HPD: variants seen among roughly 807,000 people sequenced by gnomAD.
HPD encodes the protein 4-hydroxyphenylpyruvic acid oxidase.
A neutral mutation model predicts 56.9 loss-of-function variants in HPD; 35 were observed. The observed-to-expected ratio is 0.62, with a 90% CI of 0.47 to 0.82. The LOEUF (loss-of-function observed/expected upper bound fraction) is 0.82. Ranked by LOEUF, HPD falls within the 40% of genes least tolerant of loss-of-function variation. The pLI, the probability that HPD is intolerant of heterozygous loss-of-function variation, is 0.00. For missense variants in HPD, 442 were observed against 506.8 expected, an observed-to-expected ratio of 0.87 and a Z score of 1.23; for synonymous variants, 186 against 200.2, an observed-to-expected ratio of 0.93 and a Z score of 0.60.
At position 121,857,079 on chromosome 12, in the gene HPD, T is replaced by G. The variant is rs979044676; in HGVS notation, c.198+249A>C. On this transcript the variant is annotated intron_variant, in intron 4 of 13. Coordinates refer to ENST00000289004, the MANE Select transcript of HPD (RefSeq NM_002150.3). ...TTGTTGTTGTTGGGGTTTTTTGTTG[T>G]TTTTTGTTTTTTTTTGTTGAGATGG... 1.5e-5 allele frequency: 8 copies of G among 524,880 alleles called. No individual in the cohort carries two copies. The South Asian group carries it at 1.7e-4, about 11-fold the overall frequency. 32.5% of individuals were successfully genotyped at this position (524,880 alleles called of 1,614,324 possible).
At chr12:121,846,972 C>A in intron 10 of HPD, 39 bp from the exon 11 acceptor site, 2 of 1,613,148 alleles carry the variant, frequency 1.2e-6, no homozygotes, top group Non-Finnish European at 1.7e-6. Context: ...TCATTTGCCC[C>A]ATCACCCACA....
upstream of HPD, among the ~76,000 whole-genome samples, chr12:121,865,231 G>A (rs577061157): frequency 4.0e-5 from 6 of 151,772 alleles, no homozygotes; most frequent in East Asian, 1.2e-3. Flanking sequence ...TCATGCCAGT[G>A]CACTCTAACC....
chr12:121,850,282 T>C (rs572453170), intron 7 of HPD, among the ~76,000 whole-genome samples: 1 of 151,378 alleles, frequency 6.6e-6, no homozygotes, highest in East Asian at 2.0e-4. Context: ...ATTAGCCGGG[T>C]GTGGTGGCGT....
intron 11 of HPD, among the ~76,000 whole-genome samples, chr12:121,846,234 A>G (rs1201698763): frequency 6.6e-6 from 1 of 151,844 alleles, no homozygotes; most frequent in Non-Finnish European, 1.5e-5. Flanking sequence ...ATTTTTTTCT[A>G]AAGCAGAATT....
At chr12:121,857,149 G>A in intron 4 of HPD, 179 bp downstream of exon 4, 1 of 601,500 alleles carries the variant, frequency 1.7e-6, no homozygotes, top group Non-Finnish European at 3.0e-6. Flanking sequence ...GCACGACGTT[G>A]GCTCACTGCA....
At chr12:121,858,901 T>C, upstream of HPD, 3 of 1,570,652 alleles carry the variant, frequency 1.9e-6, no homozygotes, top group Non-Finnish European at 2.6e-6. Context: ...CCCAAGCAGG[T>C]CCCGCCCAGG....
At chr12:121,863,929 A>T (rs1878250887), upstream of HPD, among the ~76,000 whole-genome samples, 1 of 152,098 alleles carries the variant, frequency 6.6e-6, no homozygotes, top group Admixed American at 6.6e-5. Flanking sequence ...TTCTGTGAAA[A>T]GGTTTTTGTC....
chr12:121,877,385 G>C, the HPD span, among the ~76,000 whole-genome samples: 1 of 152,122 alleles, frequency 6.6e-6, no homozygotes, highest in African/African-American at 2.4e-5. Flanking sequence ...AGGGGTGTGA[G>C]AGGCTGCTGG....
At chr12:121,872,857 G>T in the HPD span, among the ~76,000 whole-genome samples, 8 of 152,236 alleles carry the variant, frequency 5.3e-5, no homozygotes, top group South Asian at 1.4e-3. Context: ...AGAGCTGAGA[G>T]AAGATAGGCT....
chr12:121,879,216 C>T, the HPD span, among the ~76,000 whole-genome samples: 11 of 151,740 alleles, frequency 7.2e-5, no homozygotes, highest in Non-Finnish European at 1.6e-4. Flanking sequence ...ACCCAGGAGG[C>T]GGAGGTTGCA....
chr12:121,857,734 C>G (rs1371646981), intron 3 of HPD, 23 bp downstream of exon 3: 2 of 1,608,530 alleles, frequency 1.2e-6, no homozygotes, highest in Non-Finnish European at 1.7e-6. Flanking sequence ...CTGCTCACTC[C>G]AGCACCTTGC....
the HPD span, among the ~76,000 whole-genome samples, chr12:121,878,710 G>C: frequency 6.9e-6 from 1 of 143,988 alleles, no homozygotes; most frequent in Non-Finnish European, 1.5e-5. Flanking sequence ...TTCTCACTCT[G>C]TTGCCCAGGT....
upstream of HPD, among the ~76,000 whole-genome samples, chr12:121,859,885 G>A (rs537737905): frequency 3.6e-4 from 55 of 152,344 alleles, no homozygotes; most frequent in African/African-American, 1.3e-3. Context: ...GGGGCCGGGG[G>A]TGGTGGCTCA....
chr12:121,845,064 A>G lies in HPD; in HGVS notation c.832-1232T>C, dbSNP rs143204806. 2.1e-3 allele frequency among the ~76,000 whole-genome samples: 308 copies of G among 148,992 alleles called. 26 individuals carry two copies. Among genetic ancestry groups the G allele is most frequent in the African/African-American group, 7.6e-3 (293 of 38,662 alleles). On this transcript the variant is annotated intron_variant, in intron 11 of 13. Transcript: ENST00000289004. ...GCACCACTGCACTCCAGCCTAGAAG[A>G]CAGAGCAAGACTGCATCTCAAAAAA... is the stretch of plus-strand genomic sequence containing the variant.
chr12:121,862,596 CTTTTTTTTTTTTTTTTT>C (rs146807602), upstream of HPD, among the ~76,000 whole-genome samples: 2 of 43,068 alleles, frequency 4.6e-5, no homozygotes, highest in Non-Finnish European at 7.5e-5. Flanking sequence ...CGCTCTCGGC[CTTTTTTTTTTTTTTTTT>C]TTTTTTTTTT....
intron 3 of HPD, 141 bp downstream of exon 3, chr12:121,857,616 T>A (rs1878052438): frequency 1.2e-6 from 1 of 848,702 alleles, no homozygotes; most frequent in Non-Finnish European, 2.0e-6. Flanking sequence ...CTGGTGTAAT[T>A]AGGATTCAGA....
chr12:121,883,180 TTGTGTGTGTGTGTGTGTGTGTGTGTGTG>T, the HPD span, among the ~76,000 whole-genome samples: 8 of 115,458 alleles, frequency 6.9e-5, no homozygotes, highest in East Asian at 2.6e-4. Flanking sequence ...GGAGCATAAG[TTGTGTGTGTGTGTGTGTGTGTGTGTGTG>T]TGTGTGTGTG....
At chr12:121,887,596 T>C in the HPD span, among the ~76,000 whole-genome samples, 3 of 152,082 alleles carry the variant, frequency 2.0e-5, no homozygotes, top group African/African-American at 7.2e-5. Flanking sequence ...AGTCTCAAAC[T>C]CCTGACCTCA....
the HPD span, among the ~76,000 whole-genome samples, chr12:121,868,855 T>C: frequency 6.6e-6 from 1 of 152,098 alleles, no homozygotes; most frequent in Non-Finnish European, 1.5e-5. Context: ...TATAGTCTTT[T>C]TATTATTGAG....
Sources: gnomAD v4.1 joint callset for allele counts (sites outside exome capture counted in the v4.1 genomes callset) on GRCh38, gnomAD v4.1.1 for gene constraint, MANE v1.5 for transcripts, NCBI Gene and HGNC (gene_info 2026-07-23, HGNC 2026-07-21) for gene names.